The following SPAG16 variants were observed in gnomAD, a reference collection of about 807,000 sequenced individuals.
The protein encoded by SPAG16 is sperm associated antigen 16, also known as sperm-associated antigen 16 protein.
SPAG16 carries 86 observed loss-of-function variants against 80.4 expected under a neutral mutation model. The ratio of observed to expected loss-of-function variants is 1.07; its 90% CI spans 0.90 to 1.28. The LOEUF (loss-of-function observed/expected upper bound fraction) is 1.28. SPAG16 is among the 50% of genes most tolerant of loss of function. The pLI is 0.00. For synonymous variants in SPAG16, 294 were observed against 265.9 expected, an observed-to-expected ratio of 1.11 and a Z score of -1.03; for missense variants, 870 against 765.3, an observed-to-expected ratio of 1.14 and a Z score of -1.61.
intron 10 of SPAG16, among the ~76,000 whole-genome samples, chr2:213,553,886 T>C (rs982805434): frequency 1.3e-5 from 2 of 152,168 alleles, no homozygotes; most frequent in Non-Finnish European, 2.9e-5. Context: ...TCCTGCAGAC[T>C]CCTCTGCTGC....
intron 10 of SPAG16, among the ~76,000 whole-genome samples, chr2:213,816,462 G>A (rs1160614811): frequency 6.6e-6 from 1 of 152,000 alleles, no homozygotes; most frequent in Non-Finnish European, 1.5e-5. Flanking sequence ...CGTAGGACAT[G>A]CACATATATT....
intron 15 of SPAG16, among the ~76,000 whole-genome samples, chr2:214,368,684 G>A (rs1699633494): frequency 1.3e-5 from 2 of 151,972 alleles, no homozygotes; most frequent in African/African-American, 2.4e-5. Flanking sequence ...TATCCTGAAC[G>A]AATGTAAAAG....
intron 15 of SPAG16, among the ~76,000 whole-genome samples, chr2:214,177,382 A>G (rs1018354400): frequency 6.6e-6 from 1 of 151,102 alleles, no homozygotes; most frequent in African/African-American, 2.4e-5. Context: ...TGACAGTTCC[A>G]TTTTTTAAAA....
chr2:213,363,391 T>A (rs1176110102), intron 7 of SPAG16, among the ~76,000 whole-genome samples: 2 of 152,104 alleles, frequency 1.3e-5, no homozygotes, highest in African/African-American at 4.8e-5. Flanking sequence ...ATTATGTTAT[T>A]TTCTATTAAT....
intron 13 of SPAG16, among the ~76,000 whole-genome samples, chr2:214,016,573 A>G (rs916569444): frequency 2.0e-5 from 3 of 152,194 alleles, no homozygotes; most frequent in Non-Finnish European, 2.9e-5. Context: ...AATAGGAGAA[A>G]AGATTGTAGC....
At chr2:214,205,152 A>T (rs1221016679) in intron 15 of SPAG16, among the ~76,000 whole-genome samples, 2 of 152,102 alleles carry the variant, frequency 1.3e-5, no homozygotes, top group Non-Finnish European at 2.9e-5. Flanking sequence ...TGAACCTGGG[A>T]GGTGGAGGTT....
intron 9 of SPAG16, among the ~76,000 whole-genome samples, chr2:213,463,531 C>T (rs972392206): frequency 1.3e-5 from 2 of 152,264 alleles, no homozygotes; most frequent in African/African-American, 2.4e-5. Context: ...GCTACTCCAG[C>T]TGTGGCTAAA....
chr2:214,410,481 A>T lies in SPAG16; in HGVS notation c.*166A>T. 3.8e-6 allele frequency: 2 copies of T among 525,820 alleles called. No homozygotes were observed. Among genetic ancestry groups the T allele is most frequent in the Non-Finnish European group, 6.2e-6 (2 of 322,640 alleles). 32.6% of individuals were successfully genotyped at this position (525,820 alleles called of 1,614,324 possible). Reference sequence around the variant, plus strand: ...TTTTAGTGCTCATACTGTTACTAATAAAAAAATAACTTTATGCTCACCCAT... The same window carrying T: ...TTTTAGTGCTCATACTGTTACTAATTAAAAAATAACTTTATGCTCACCCAT... On this transcript the variant is annotated 3_prime_UTR_variant, in exon 16 of 16. Coordinates refer to ENST00000331683, the MANE Select transcript of SPAG16 (RefSeq NM_024532.5).
intron 10 of SPAG16, among the ~76,000 whole-genome samples, chr2:213,735,938 G>A (rs2067262569): frequency 6.6e-6 from 1 of 152,148 alleles, no homozygotes; most frequent in South Asian, 2.1e-4. Flanking sequence ...ACAGATGAGG[G>A]AAATGACAGG....
At chr2:213,347,110 T>G (rs1263179226) in intron 6 of SPAG16, among the ~76,000 whole-genome samples, 4 of 152,200 alleles carry the variant, frequency 2.6e-5, no homozygotes, top group Non-Finnish European at 5.9e-5. Context: ...TGGTTTAGTC[T>G]TGGGAGGGTG....
chr2:213,672,568 C>G (rs2063852987), intron 10 of SPAG16, among the ~76,000 whole-genome samples: 1 of 152,084 alleles, frequency 6.6e-6, no homozygotes, highest in Admixed American at 6.6e-5. Flanking sequence ...TGCTGTTCTT[C>G]AAGAGCTCTA....
intron 10 of SPAG16, among the ~76,000 whole-genome samples, chr2:213,644,073 G>A (rs774741506): frequency 6.0e-5 from 9 of 150,988 alleles, no homozygotes; most frequent in Middle Eastern, 6.8e-3. Flanking sequence ...GAGACACCAC[G>A]CCCGGCCCAA....
At chr2:213,849,380 T>G (rs1417359282) in intron 10 of SPAG16, among the ~76,000 whole-genome samples, 1 of 152,100 alleles carries the variant, frequency 6.6e-6, no homozygotes. Flanking sequence ...GGGGATAAAA[T>G]TTCAACATGA....
intron 15 of SPAG16, among the ~76,000 whole-genome samples, chr2:214,309,782 C>A (rs1034099188): frequency 1.3e-5 from 2 of 152,200 alleles, no homozygotes; most frequent in South Asian, 2.1e-4. Context: ...CCGGGGGAAC[C>A]AAAGTGTGGC....
intron 9 of SPAG16, among the ~76,000 whole-genome samples, chr2:213,387,429 C>CTTTTTTTTTTTTTTTTTTTTTTTTTTTTT (rs1491308938): frequency 1.4e-5 from 1 of 71,760 alleles, no homozygotes; most frequent in Non-Finnish European, 2.4e-5. Flanking sequence ...GAAATGCATG[C>CTTTTTTTTTTTTTTTTTTTTTTTTTTTTT]TCTTTTTTTT....
intron 15 of SPAG16, among the ~76,000 whole-genome samples, chr2:214,323,416 A>G (rs1322209890): frequency 1.3e-5 from 2 of 152,120 alleles, no homozygotes; most frequent in Non-Finnish European, 2.9e-5. Flanking sequence ...GAATATCCAT[A>G]TCAAGTATTA....
chr2:214,148,593 G>A (rs2055782486), intron 14 of SPAG16, among the ~76,000 whole-genome samples: 1 of 152,016 alleles, frequency 6.6e-6, no homozygotes, highest in Admixed American at 6.6e-5. Context: ...CCTGCTATGC[G>A]ATATTCTTCT....
chr2:213,396,555 A>C (rs886827932), intron 9 of SPAG16: 1 of 435,644 alleles, frequency 2.3e-6, no homozygotes, highest in African/African-American at 2.0e-5. Context: ...CAGTGCGAGA[A>C]CAGCCCTCTG....
intron 15 of SPAG16, chr2:214,281,106 A>G (rs1692896814): frequency 5.1e-6 from 2 of 394,134 alleles, no homozygotes; most frequent in South Asian, 4.4e-5. Context: ...CTTGGCCTTC[A>G]TAGATCTTGT....
Sources: allele counts gnomAD v4.1 joint callset (sites outside exome capture counted in the v4.1 genomes callset), GRCh38; gene constraint gnomAD v4.1.1; transcripts MANE v1.5; gene names NCBI Gene and HGNC (gene_info 2026-07-23, HGNC 2026-07-21).